TOMM20: variants seen among roughly 807,000 people sequenced by gnomAD.
TOMM20 encodes the protein mitochondrial import receptor subunit TOM20 homolog.
In TOMM20, 10 loss-of-function variants were observed where a neutral mutation model predicts 22.1. That is an observed-to-expected ratio of 0.45 (90% CI 0.28 to 0.77). TOMM20 has a LOEUF of 0.77. Among genes scored for constraint, TOMM20 ranks in the 30% least tolerant of loss-of-function variants. TOMM20 has a pLI of 0.13. For missense variants in TOMM20, 121 were observed against 172.2 expected (o/e 0.70, Z 1.66); for synonymous variants, 55 against 61.4 (o/e 0.90, Z 0.49).
chr1:235,118,659 G>C (rs953656280), intron 3 of TOMM20, among the ~76,000 whole-genome samples: 1 of 152,162 alleles, frequency 6.6e-6, no homozygotes, highest in Non-Finnish European at 1.5e-5. Flanking sequence ...CTGAGTAGCT[G>C]GCTACAGGTG....
rs776089448 is a variant in TOMM20, at chr1:235,119,890, G to A, written c.178C>T (p.Leu60Phe). 1.1e-5 allele frequency: 17 copies of A among 1,608,956 alleles called. No homozygotes were observed. Among genetic ancestry groups the A allele is most frequent in the Non-Finnish European group, 1.4e-5 (16 of 1,176,692 alleles). ...ERAGLSKLPD[L>F]KDAEAVQKFF... ...TTCTGAACAGCTTCAGCATCTTTAAGGTCAGGTAACTGGAAATAAAATATT... is the reference window on the plus strand; with the variant it reads ...TTCTGAACAGCTTCAGCATCTTTAAAGTCAGGTAACTGGAAATAAAATATT... Residue 60 changes from leucine (L) to phenylalanine (F), a missense_variant, in exon 3 of 5, where the codon CTT becomes TTT. By Grantham distance (22) the Leu-to-Phe change is conservative (BLOSUM62 0). Coordinates refer to ENST00000366607, the MANE Select transcript of TOMM20 (RefSeq NM_014765.3).
intron 2 of TOMM20, among the ~76,000 whole-genome samples, chr1:235,120,408 G>A (rs558937054): frequency 1.2e-3 from 189 of 151,852 alleles, no homozygotes; most frequent in Admixed American, 2.0e-3. Flanking sequence ...GAGTAGCTGG[G>A]TGCCCGCCAC....
chr1:235,114,013 G>A, intron 3 of TOMM20, 103 bp from the exon 4 acceptor site: 1 of 1,292,308 alleles, frequency 7.7e-7, no homozygotes, highest in Non-Finnish European at 1.1e-6. Flanking sequence ...AAAACACTAA[G>A]CAAGTAAAAT....
chr1:235,122,670 C>A (rs998953157), intron 1 of TOMM20, among the ~76,000 whole-genome samples: 5 of 152,154 alleles, frequency 3.3e-5, no homozygotes, highest in African/African-American at 1.2e-4. Flanking sequence ...CAGATCAAGT[C>A]CCCCCTTCCA....
At position 235,116,740 on chromosome 1, in the gene TOMM20, C is replaced by A. The variant is rs552262320; in HGVS notation, c.251-2830G>T. On this transcript the variant is annotated intron_variant, in intron 3 of 4. Transcript: ENST00000366607. ...ACAAAACAAAACAAAACACCTCAGA[C>A]CTTTTCCAGTTCTTAATACCATTAA... Among the ~76,000 whole-genome samples, 4 of 152,064 alleles carry A rather than the reference C, an allele frequency of 2.6e-5. No homozygotes were observed. In the East Asian group the frequency reaches 7.8e-4, roughly 30 times the overall value.
In TOMM20 at chr1:235,122,372, C is replaced by A; in HGVS notation, c.122G>T (p.Arg41Leu). ...DPNFKNRLRE[R>L]RKKQKLAKER... ...CTTGGCAAGCTTCTGTTTCTTTCTTCCTGCAAGAAATGCAAAGTTATATTT... is the reference window on the plus strand; with the variant it reads ...CTTGGCAAGCTTCTGTTTCTTTCTTACTGCAAGAAATGCAAAGTTATATTT... The change falls in exon 2 of 5, where the codon CGA becomes CTA. Residue 41 changes from arginine (R) to leucine (L), a missense_variant and splice_region_variant. Transcript: ENST00000366607. The A allele has an allele frequency of 6.4e-7, 1 of 1,574,124 alleles. No individual in the cohort carries two copies. The highest frequency in any genetic ancestry group is 8.6e-7 in the Non-Finnish European group (1 of 1,163,004).
At chr1:235,117,355 G>A (rs1660852782) in intron 3 of TOMM20, among the ~76,000 whole-genome samples, 1 of 151,216 alleles carries the variant, frequency 6.6e-6, no homozygotes, top group East Asian at 1.9e-4. Flanking sequence ...CTACTCATGA[G>A]GCTGAGGCAG....
In TOMM20 at chr1:235,122,320, T is replaced by G. The variant is rs985681036; in HGVS notation, c.168+6A>C. 6.5e-6 allele frequency: 10 copies of G among 1,532,082 alleles called. 1 individual carries two copies. In the Admixed American group the frequency reaches 8.4e-5, roughly 13 times the overall value. The allele number at this position is 1,532,082 out of a possible 1,614,324, so 94.9% of individuals were successfully genotyped here. On this transcript the variant is annotated splice_donor_region_variant and intron_variant, in intron 2 of 4. Transcript: ENST00000366607. ...TATATAATTTAAACAGAAACCAGAC[T>G]ATTACCTTGGAAAGCCCAGCTCTCT...
intron 3 of TOMM20, among the ~76,000 whole-genome samples, chr1:235,116,401 T>A (rs981969612): frequency 2.6e-5 from 4 of 151,974 alleles, no homozygotes; most frequent in Admixed American, 2.0e-4. Context: ...TAGCTGAGCA[T>A]GGTAGCACGT....
chr1:235,119,389 C>CT (rs1327277528), intron 3 of TOMM20: 2 of 153,008 alleles, frequency 1.3e-5, no homozygotes, highest in South Asian at 2.0e-4. Context: ...TTACATTAGC[C>CT]ATTCCTTCCT....
intron 1 of TOMM20, among the ~76,000 whole-genome samples, chr1:235,124,846 G>A (rs747501603): frequency 6.6e-5 from 10 of 152,140 alleles, no homozygotes; most frequent in Non-Finnish European, 1.3e-4. Context: ...TTCAGATATA[G>A]TATAATGCAG....
Position 235,111,910 on chromosome 1 carries a change from G to A in TOMM20, c.*154C>T, listed in dbSNP as rs1314506345. The A allele has an allele frequency of 7.3e-6, 5 of 680,806 alleles. No homozygotes were observed. The East Asian group carries it at 1.1e-4, about 15-fold the overall frequency. 42.2% of individuals were successfully genotyped at this position (680,806 alleles called of 1,614,324 possible). A position where few individuals can be genotyped will look rare whatever the true frequency, so the allele number is the denominator to read the frequency against. On this transcript the variant is annotated 3_prime_UTR_variant, in exon 5 of 5. Coordinates refer to ENST00000366607, the MANE Select transcript of TOMM20 (RefSeq NM_014765.3). The stretch of plus-strand genomic sequence containing the variant: ...TTCACTGGGAAAAATAAATAAAATA[G>A]ACAAATGGATCTACACAAAGTAAAC...
chr1:235,116,864 G>A lies in TOMM20; in HGVS notation c.250+2954C>T, dbSNP rs545845342. On this transcript the variant is annotated intron_variant, in intron 3 of 4. Coordinates refer to ENST00000366607, the MANE Select transcript of TOMM20 (RefSeq NM_014765.3). ...AAAGAGTAAGAATGGGGCTGGGCAC[G>A]CTGGCTCAAGCCTGTAATCCCAGCA... Among the ~76,000 whole-genome samples, 16 of 152,150 alleles carry A rather than the reference G, an allele frequency of 1.1e-4. No individual in the cohort carries two copies. In the East Asian group the frequency reaches 1.2e-3, roughly 11 times the overall value.
intron 1 of TOMM20, among the ~76,000 whole-genome samples, chr1:235,124,300 T>G (rs763109591): frequency 6.6e-6 from 1 of 152,242 alleles, no homozygotes. Flanking sequence ...TAAGCTGAGA[T>G]AGCGCCACTG....
chr1:235,120,823 C>T (rs1660918895), intron 2 of TOMM20, among the ~76,000 whole-genome samples: 1 of 144,396 alleles, frequency 6.9e-6, no homozygotes, highest in South Asian at 2.1e-4. Flanking sequence ...GCTGTGACTG[C>T]ACCGCTACTG....
chr1:235,126,404 T>A (rs999952824), intron 1 of TOMM20, among the ~76,000 whole-genome samples: 1 of 151,944 alleles, frequency 6.6e-6, no homozygotes, highest in African/African-American at 2.4e-5. Flanking sequence ...GTGCTGAGAT[T>A]ACTAGCGTTG....
In TOMM20 at chr1:235,114,843, C is replaced by T. The variant is rs10925729; in HGVS notation, c.251-933G>A. Reference sequence around the variant, plus strand: ...TAATTCAATAAATAATAAGTATCTGCTATGTGCTCCTTGTCCTTAGTTAAC... The same window carrying T: ...TAATTCAATAAATAATAAGTATCTGTTATGTGCTCCTTGTCCTTAGTTAAC... On this transcript the variant is annotated intron_variant, in intron 3 of 4. Transcript: ENST00000366607. Among the ~76,000 whole-genome samples the T allele has an allele frequency of 7.1e-3, 1,080 of 152,148 alleles. 15 individuals carry two copies. Among genetic ancestry groups the T allele is most frequent in the African/African-American group, 0.025 (1,028 of 41,506 alleles).
At chr1:235,122,849 C>T (rs752715578) in intron 1 of TOMM20, among the ~76,000 whole-genome samples, 67 of 152,292 alleles carry the variant, frequency 4.4e-4, no homozygotes, top group Non-Finnish European at 7.6e-4. Flanking sequence ...CATGAAAATA[C>T]TATACCACTT....
chr1:235,121,188 A>G (rs1389756313), intron 2 of TOMM20, among the ~76,000 whole-genome samples: 1 of 143,438 alleles, frequency 7.0e-6, no homozygotes, highest in Non-Finnish European at 1.5e-5. Flanking sequence ...ACAGAGTGAG[A>G]CTCCATCTCA....
Sources: gnomAD v4.1 joint callset for allele counts (sites outside exome capture counted in the v4.1 genomes callset) on GRCh38, gnomAD v4.1.1 for gene constraint, MANE v1.5 for transcripts, NCBI Gene and HGNC (gene_info 2026-07-23, HGNC 2026-07-21) for gene names.